Variants in PTPRE observed in about 807,000 individuals in gnomAD.
PTPRE encodes the protein protein tyrosine phosphatase receptor type E.
A neutral mutation model predicts 102.0 loss-of-function variants in PTPRE; 51 were observed. The observed-to-expected ratio is 0.50, with a 90% CI of 0.40 to 0.63. The LOEUF (loss-of-function observed/expected upper bound fraction) is 0.63. PTPRE is among the 30% of genes least tolerant of loss of function. The pLI, the probability that PTPRE is intolerant of heterozygous loss-of-function variation, is 0.00. For missense variants in PTPRE, 752 were observed against 915.1 expected (o/e 0.82, Z 2.30); for synonymous variants, 345 against 348.2 (o/e 0.99, Z 0.10).
Position 128,061,011 on chromosome 10 carries a change from T to C in PTPRE, c.584T>C (p.Ile195Thr). 1.9e-6 allele frequency: 3 copies of C among 1,614,004 alleles called. No homozygotes were observed. Among genetic ancestry groups the C allele is most frequent in the Non-Finnish European group, 2.5e-6 (3 of 1,179,864 alleles). Residue 195 changes from isoleucine (I) to threonine (T), a missense_variant, in exon 8 of 21, where the codon ATA becomes ACA. Physicochemically the swap from Ile to Thr is moderately conservative, Grantham distance 89. Coordinates refer to ENST00000254667, the MANE Select transcript of PTPRE (RefSeq NM_006504.6). ...TCAGACTACATCAATGCTTCCTACA[T>C]AGATGTAAGTGGGCAGAGGTTTCTT... ...PCSDYINASY[I>T]DGYKEKNKFI...
At chr10:127,998,365 T>C (rs1309717189) in intron 2 of PTPRE, 3 of 152,234 alleles carry the variant, frequency 2.0e-5, no homozygotes, top group African/African-American at 7.2e-5. Context: ...TTCCAGTCGC[T>C]GTGAAAGCCT....
intron 2 of PTPRE, among the ~76,000 whole-genome samples, chr10:127,989,719 T>C (rs1213390948): frequency 1.3e-5 from 2 of 152,256 alleles, no homozygotes; most frequent in Non-Finnish European, 2.9e-5. Flanking sequence ...ACAGAGAACA[T>C]TAACAAATAA....
chr10:128,061,434 C>T (rs1464450579), intron 8 of PTPRE, among the ~76,000 whole-genome samples: 1 of 152,186 alleles, frequency 6.6e-6, no homozygotes, highest in Non-Finnish European at 1.5e-5. Context: ...ACAGAAATGT[C>T]TGCATGTCTG....
At chr10:128,007,933 C>T (rs1236851034) in intron 2 of PTPRE, among the ~76,000 whole-genome samples, 3 of 152,224 alleles carry the variant, frequency 2.0e-5, no homozygotes, top group African/African-American at 7.2e-5. Flanking sequence ...TTCTGCCTCA[C>T]ACACCTTGTT....
intron 6 of PTPRE, among the ~76,000 whole-genome samples, chr10:128,051,138 C>G (rs1017622854): frequency 1.3e-5 from 2 of 152,334 alleles, no homozygotes; most frequent in South Asian, 4.1e-4. Flanking sequence ...TCCCCTCCCC[C>G]ACCCTTCTCA....
intron 2 of PTPRE, among the ~76,000 whole-genome samples, chr10:127,988,395 T>C (rs1589919942): frequency 6.8e-6 from 1 of 147,580 alleles, no homozygotes; most frequent in East Asian, 2.0e-4. Flanking sequence ...AAACTTTGCC[T>C]CCAGGGTTCA....
intron 2 of PTPRE, among the ~76,000 whole-genome samples, chr10:127,991,026 G>A (rs1314584952): frequency 6.6e-6 from 1 of 152,162 alleles, no homozygotes; most frequent in Non-Finnish European, 1.5e-5. Context: ...CCGCGTGATG[G>A]TTTATGTTGC....
At chr10:127,939,839 G>C (rs991263732) in intron 1 of PTPRE, among the ~76,000 whole-genome samples, 2 of 150,768 alleles carry the variant, frequency 1.3e-5, no homozygotes, top group African/African-American at 4.9e-5. Flanking sequence ...GGTGAGGGCA[G>C]GTGCAGGCAG....
chr10:127,975,139 G>C (rs968956217), intron 1 of PTPRE, among the ~76,000 whole-genome samples: 8 of 152,176 alleles, frequency 5.3e-5, no homozygotes, highest in Non-Finnish European at 8.8e-5. Flanking sequence ...GAGGCTTTGT[G>C]GGACAGGGAG....
At chr10:127,939,380 A>G (rs575465671) in intron 1 of PTPRE, among the ~76,000 whole-genome samples, 1 of 152,346 alleles carries the variant, frequency 6.6e-6, no homozygotes, top group Non-Finnish European at 1.5e-5. Context: ...ATTAGTTTTC[A>G]TCTTTGGAAG....
intron 1 of PTPRE, among the ~76,000 whole-genome samples, chr10:127,974,165 C>T (rs1172527767): frequency 1.3e-5 from 2 of 152,208 alleles, no homozygotes; most frequent in African/African-American, 2.4e-5. Context: ...TGCAGCATTC[C>T]GGGATCTGCC....
intron 2 of PTPRE, among the ~76,000 whole-genome samples, chr10:128,010,631 G>GGAGGGCAGT (rs1212613933): frequency 7.0e-6 from 1 of 143,364 alleles, no homozygotes; most frequent in African/African-American, 2.6e-5. Flanking sequence ...CGCCCAGGCT[G>GGAGGGCAGT]GAGGGCAGTG....
chr10:127,948,959 G>T (rs1301836187), intron 1 of PTPRE, among the ~76,000 whole-genome samples: 2 of 152,244 alleles, frequency 1.3e-5, no homozygotes, highest in Non-Finnish European at 2.9e-5. Context: ...AACAGGAAAG[G>T]TGACTGTGTC....
intron 20 of PTPRE, among the ~76,000 whole-genome samples, chr10:128,080,174 G>A (rs922907971): frequency 6.6e-6 from 1 of 152,204 alleles, no homozygotes; most frequent in African/African-American, 2.4e-5. Context: ...AATCCCTAAT[G>A]TATTAGTAGT....
At chr10:128,016,617 G>T (rs1250384975) in intron 2 of PTPRE, among the ~76,000 whole-genome samples, 1 of 152,058 alleles carries the variant, frequency 6.6e-6, no homozygotes, top group East Asian at 1.9e-4. Context: ...AGTGGCCTGG[G>T]AACAGCACCC....
In PTPRE at chr10:128,076,746, C is replaced by G; in HGVS notation, c.1725+18C>G. Reference sequence around the variant, plus strand: ...TCAATCAGGTATTGTTGAAGTAGCTCTTTAAACGCTTGTGAATTTAGTGAA... The same window carrying G: ...TCAATCAGGTATTGTTGAAGTAGCTGTTTAAACGCTTGTGAATTTAGTGAA... On this transcript the variant is annotated intron_variant, in intron 18 of 20. Coordinates refer to ENST00000254667, the MANE Select transcript of PTPRE (RefSeq NM_006504.6). 6.2e-7 allele frequency: 1 copy of G among 1,609,388 alleles called. No homozygotes were observed.
intron 1 of PTPRE, among the ~76,000 whole-genome samples, chr10:127,970,743 T>G (rs1850664919): frequency 6.6e-6 from 1 of 151,274 alleles, no homozygotes; most frequent in Admixed American, 6.6e-5. Context: ...CACTCAAGTT[T>G]CCATCATGGC....
chr10:128,029,509 G>A (rs1433938970), intron 2 of PTPRE, among the ~76,000 whole-genome samples: 1 of 152,192 alleles, frequency 6.6e-6, no homozygotes, highest in East Asian at 1.9e-4. Context: ...TACAGCAGAT[G>A]AGAAGGACAC....
At chr10:128,063,767 C>G (rs1050658304) in intron 10 of PTPRE, among the ~76,000 whole-genome samples, 3 of 152,182 alleles carry the variant, frequency 2.0e-5, no homozygotes, top group Non-Finnish European at 2.9e-5. Flanking sequence ...TGGGCCAGCT[C>G]TGTCCCAGGT....
Sources: allele counts gnomAD v4.1 joint callset (sites outside exome capture counted in the v4.1 genomes callset), GRCh38; gene constraint gnomAD v4.1.1; transcripts MANE v1.5; gene names NCBI Gene and HGNC (gene_info 2026-07-23, HGNC 2026-07-21).